Variants in EXOC4 observed in about 807,000 individuals in gnomAD.
The protein encoded by EXOC4 is exocyst complex component 4.
Under a neutral mutation model 107.2 loss-of-function variants are expected in EXOC4, and 71 were observed. That is an observed-to-expected ratio of 0.66 (90% CI 0.55 to 0.81). The LOEUF (loss-of-function observed/expected upper bound fraction) is 0.81. EXOC4 is among the 30% of genes least tolerant of loss of function. The pLI, the probability that EXOC4 is intolerant of heterozygous loss-of-function variation, is 0.00. For missense variants in EXOC4, 1,108 were observed against 1,189.6 expected, an observed-to-expected ratio of 0.93 and a Z score of 1.01; for synonymous variants, 456 against 441.2, an observed-to-expected ratio of 1.03 and a Z score of -0.42.
intron 5 of EXOC4, among the ~76,000 whole-genome samples, chr7:133,319,432 G>T (rs987680299): frequency 2.0e-5 from 3 of 152,194 alleles, no homozygotes; most frequent in Non-Finnish European, 2.9e-5. Flanking sequence ...CTTGGTAGTT[G>T]ACTGGGGCTA....
chr7:134,078,509 C>T, the EXOC4 span, among the ~76,000 whole-genome samples: 2 of 152,098 alleles, frequency 1.3e-5, no homozygotes, highest in Admixed American at 1.3e-4. Flanking sequence ...ATTTATTACC[C>T]ATCCTCAGCA....
intron 10 of EXOC4, among the ~76,000 whole-genome samples, chr7:133,649,940 G>C (rs1803097956): frequency 1.3e-5 from 2 of 152,114 alleles, no homozygotes; most frequent in South Asian, 4.2e-4. Context: ...TCACTACTTT[G>C]GGGAAAAATA....
At position 133,405,318 on chromosome 7, in the gene EXOC4, GAAT is replaced by G. The variant is rs1457168701; in HGVS notation, c.1182+30323_1182+30325del. Among the ~76,000 whole-genome samples the G allele has an allele frequency of 2.6e-5, 4 of 152,024 alleles. No homozygotes were observed. The East Asian group carries it at 7.7e-4, about 29-fold the overall frequency. ...TATGGAAGAGGAGGGAAAAGATCTG[GAAT>G]AATAATCATAAAACCAATAATAAAT... is the stretch of plus-strand genomic sequence containing the variant. On this transcript the variant is annotated intron_variant, in intron 7 of 17. Coordinates refer to ENST00000253861, the MANE Select transcript of EXOC4 (RefSeq NM_021807.4).
intron 7 of EXOC4, among the ~76,000 whole-genome samples, chr7:133,448,924 G>A (rs1465307360): frequency 6.6e-6 from 1 of 152,088 alleles, no homozygotes; most frequent in East Asian, 1.9e-4. Flanking sequence ...GGCCAACATG[G>A]TGAAACCCCA....
intron 9 of EXOC4, among the ~76,000 whole-genome samples, chr7:133,519,458 T>C (rs943930678): frequency 2.0e-5 from 3 of 152,200 alleles, no homozygotes; most frequent in East Asian, 3.9e-4. Context: ...ATTTAAATGT[T>C]TGTGAAGACT....
intron 7 of EXOC4, among the ~76,000 whole-genome samples, chr7:133,383,544 T>G (rs952648627): frequency 6.6e-6 from 1 of 152,218 alleles, no homozygotes; most frequent in African/African-American, 2.4e-5. Context: ...ATTAACCTCT[T>G]GCAGAGAGAG....
chr7:133,301,399 T>A (rs531468843), intron 3 of EXOC4, among the ~76,000 whole-genome samples: 29 of 152,318 alleles, frequency 1.9e-4, no homozygotes, highest in African/African-American at 6.7e-4. Flanking sequence ...GTAGCCTAAT[T>A]TTATATCTTT....
At chr7:133,779,338 C>T (rs184571680) in intron 10 of EXOC4, among the ~76,000 whole-genome samples, 1 of 152,106 alleles carries the variant, frequency 6.6e-6, no homozygotes, top group Admixed American at 6.5e-5. Flanking sequence ...ATACTACTAA[C>T]TCTTATTTTT....
At chr7:133,816,017 G>C (rs951054489) in intron 10 of EXOC4, among the ~76,000 whole-genome samples, 2 of 152,178 alleles carry the variant, frequency 1.3e-5, no homozygotes, top group Non-Finnish European at 2.9e-5. Flanking sequence ...TTTGCTCCCT[G>C]TCCATGAAGT....
chr7:133,448,232 GA>G (rs780110245), intron 7 of EXOC4, among the ~76,000 whole-genome samples: 19 of 152,098 alleles, frequency 1.2e-4, no homozygotes, highest in Non-Finnish European at 2.4e-4. Context: ...CTGGAGCTGG[GA>G]AACCCCACCA....
At chr7:133,895,508 C>T in intron 11 of EXOC4, 91 bp from the exon 12 acceptor site, 8 of 1,319,796 alleles carry the variant, frequency 6.1e-6, no homozygotes. Flanking sequence ...AGCTCAGGTA[C>T]CTTAAATTAT....
At chr7:134,048,547 C>G (rs1795708236) in intron 17 of EXOC4, among the ~76,000 whole-genome samples, 1 of 152,180 alleles carries the variant, frequency 6.6e-6, no homozygotes, top group African/African-American at 2.4e-5. Flanking sequence ...AGTCCCCCTC[C>G]CTCACATTTC....
rs759583150 is a variant in EXOC4, at chr7:133,817,536, C to T, written c.1726C>T (p.Leu576Phe). The T allele has an allele frequency of 1.4e-5, 23 of 1,611,962 alleles. No homozygotes were observed. Among genetic ancestry groups the T allele is most frequent in the Non-Finnish European group, 2.0e-5 (23 of 1,178,220 alleles). Residue 576 changes from leucine (L) to phenylalanine (F), a missense_variant, in exon 11 of 18, where the codon CTC (leucine) becomes TTC (phenylalanine). Physicochemically the swap from Leu to Phe is conservative, Grantham distance 22. Coordinates refer to ENST00000253861, the MANE Select transcript of EXOC4 (RefSeq NM_021807.4). ...TMKVLGVQRP[L>F]LQSTIIVEKT... ...GAAGGTGCTGGGAGTGCAGCGGCCTCTCCTACAGGTAATAATACACTTTGA... is the reference window on the plus strand; with the variant it reads ...GAAGGTGCTGGGAGTGCAGCGGCCTTTCCTACAGGTAATAATACACTTTGA...
At chr7:133,798,726 C>T (rs1796868023) in intron 10 of EXOC4, among the ~76,000 whole-genome samples, 1 of 152,022 alleles carries the variant, frequency 6.6e-6, no homozygotes, top group South Asian at 2.1e-4. Context: ...TTATGTTGCT[C>T]AAAAGATCAT....
At chr7:133,522,191 C>G (rs1036810834) in intron 9 of EXOC4, among the ~76,000 whole-genome samples, 1 of 152,066 alleles carries the variant, frequency 6.6e-6, no homozygotes, top group African/African-American at 2.4e-5. Context: ...CAGTTGTGGA[C>G]CTTCATTATC....
intron 17 of EXOC4, among the ~76,000 whole-genome samples, chr7:134,019,567 A>C (rs7809173): frequency 0.019 from 2,895 of 152,268 alleles, 98 homozygotes; most frequent in African/African-American, 0.066. Context: ...CTGAAACTCT[A>C]TATTTAGCTA....
chr7:133,467,021 T>C (rs1798745978), intron 7 of EXOC4, among the ~76,000 whole-genome samples: 1 of 152,174 alleles, frequency 6.6e-6, no homozygotes, highest in Admixed American at 6.5e-5. Flanking sequence ...TGCAAATTTA[T>C]TAATTTATAG....
At chr7:133,773,464 T>TTTATTATTATTA (rs141227227) in intron 10 of EXOC4, among the ~76,000 whole-genome samples, 18 of 149,226 alleles carry the variant, frequency 1.2e-4, no homozygotes, top group African/African-American at 4.5e-4. Context: ...TTACTAGGTT[T>TTTATTATTATTA]TTATTATTAT....
chr7:134,082,837 T>C, the EXOC4 span, among the ~76,000 whole-genome samples: 3 of 152,208 alleles, frequency 2.0e-5, no homozygotes, highest in Non-Finnish European at 2.9e-5. Flanking sequence ...CATCTGGGAA[T>C]GCAGCCCAGT....
Sources: allele counts gnomAD v4.1 joint callset (sites outside exome capture counted in the v4.1 genomes callset), GRCh38; gene constraint gnomAD v4.1.1; transcripts MANE v1.5; gene names NCBI Gene and HGNC (gene_info 2026-07-23, HGNC 2026-07-21).